Variants in RAPGEF1 observed in about 807,000 individuals in gnomAD.
RAPGEF1 encodes Rap guanine nucleotide exchange factor 1, also known as CRK SH3-binding GNRP.
In RAPGEF1, 33 loss-of-function variants were observed where a neutral mutation model predicts 143.3. That is an observed-to-expected ratio of 0.23 (90% confidence interval 0.17 to 0.31). The LOEUF is 0.31. RAPGEF1 is among the 10% of genes least tolerant of loss of function. The pLI is 1.00. For missense variants in RAPGEF1, 1,199 were observed against 1,645.4 expected (o/e 0.73, Z 4.69); for synonymous variants, 629 against 676.5 (o/e 0.93, Z 1.09).
chr9:131,697,540 C>T (rs1329320517), intron 1 of RAPGEF1, among the ~76,000 whole-genome samples: 1 of 152,202 alleles, frequency 6.6e-6, no homozygotes, highest in East Asian at 1.9e-4. Flanking sequence ...GCAGGGCTGT[C>T]AGGTATACAC....
chr9:131,579,716 C>T, intron 26 of RAPGEF1, 69 bp from the exon 27 acceptor site: 1 of 1,544,154 alleles, frequency 6.5e-7, no homozygotes, highest in South Asian at 1.2e-5. Context: ...GCGCCACCCT[C>T]CTGGAAGGTG....
At chr9:131,606,315 C>T (rs115971831) in intron 12 of RAPGEF1, among the ~76,000 whole-genome samples, 3,042 of 152,300 alleles carry the variant, frequency 0.02, 82 homozygotes, top group African/African-American at 0.055. Context: ...GTGATGTCAT[C>T]GTGTCCTACA....
At position 131,621,695 on chromosome 9, in the gene RAPGEF1, A is replaced by G. The variant is rs1588515792; in HGVS notation, c.1905+101T>C. The G allele has an allele frequency of 3.3e-6, 4 of 1,224,666 alleles. No individual in the cohort carries two copies. In the East Asian group the frequency reaches 1.0e-4, roughly 31 times the overall value. 75.9% of individuals were successfully genotyped at this position (1,224,666 alleles called of 1,614,324 possible). A position where few individuals can be genotyped will look rare whatever the true frequency, so the allele number is the denominator to read the frequency against. On this transcript the variant is annotated intron_variant, in intron 11 of 26. Transcript: ENST00000683357. The surrounding 1 kb of genome is among the most constrained non-coding windows in gnomAD (Gnocchi z 4.5). ...ACGCCCAAAACCAGGGCCCTGCCACAGCAGGGAGGAGGGTTAACCCTGCCC... is the reference window on the plus strand; with the variant it reads ...ACGCCCAAAACCAGGGCCCTGCCACGGCAGGGAGGAGGGTTAACCCTGCCC...
intron 1 of RAPGEF1, among the ~76,000 whole-genome samples, chr9:131,708,099 G>A (rs1287207618): frequency 6.6e-6 from 1 of 152,234 alleles, no homozygotes; most frequent in African/African-American, 2.4e-5. Flanking sequence ...GAACCTGACA[G>A]TAAATTAGCA....
intron 1 of RAPGEF1, among the ~76,000 whole-genome samples, chr9:131,659,828 T>A (rs1973508058): frequency 7.4e-6 from 1 of 134,680 alleles, no homozygotes; most frequent in Non-Finnish European, 1.5e-5. Context: ...TATATTTTTC[T>A]TTTTTTTTGA....
intron 17 of RAPGEF1, among the ~76,000 whole-genome samples, chr9:131,595,576 G>A (rs1955115136): frequency 1.3e-5 from 2 of 152,210 alleles, no homozygotes; most frequent in Admixed American, 6.5e-5. Context: ...GAGAAGCAGC[G>A]TGTGGAGAGA....
chr9:131,686,992 G>T (rs1035821587), intron 1 of RAPGEF1, among the ~76,000 whole-genome samples: 1 of 152,232 alleles, frequency 6.6e-6, no homozygotes, highest in African/African-American at 2.4e-5. Flanking sequence ...AAAACCACGC[G>T]AAGATAATGA....
In RAPGEF1 at chr9:131,668,104, G is replaced by A. The variant is rs188729729; in HGVS notation, c.62-17155C>T. 1.2e-4 allele frequency among the ~76,000 whole-genome samples: 18 copies of A among 152,240 alleles called. No individual in the cohort carries two copies. The East Asian group carries it at 2.9e-3, about 24-fold the overall frequency. ...GATTTAAACAGAACCCACAGCCCTC[G>A]TCAGGTAAACTTTTCCGCGTGAACA... On this transcript the variant is annotated intron_variant, in intron 1 of 26. Coordinates refer to ENST00000683357, the MANE Select transcript of RAPGEF1 (RefSeq NM_001377935.1).
intron 1 of RAPGEF1, among the ~76,000 whole-genome samples, chr9:131,687,952 G>A (rs1288640369): frequency 2.0e-5 from 3 of 152,226 alleles, no homozygotes; most frequent in Admixed American, 1.3e-4. Context: ...AAGATACACA[G>A]CATAGCAATT....
rs113136911 is a variant in RAPGEF1, at chr9:131,679,172, G to T, written c.62-28223C>A. Among the ~76,000 whole-genome samples, 537 of 149,360 alleles carry T rather than the reference G, an allele frequency of 3.6e-3. 5 individuals carry two copies. The highest frequency in any genetic ancestry group is 0.012 in the African/African-American group (476 of 40,712). On this transcript the variant is annotated intron_variant, in intron 1 of 26. Coordinates refer to ENST00000683357, the MANE Select transcript of RAPGEF1 (RefSeq NM_001377935.1). Reference sequence around the variant, plus strand: ...GCGAACTCATTATGTGACAAGGGGGGGGCCACAAGCAGCTGTACAAAGGAT... The same window carrying T: ...GCGAACTCATTATGTGACAAGGGGGTGGCCACAAGCAGCTGTACAAAGGAT...
At chr9:131,730,802 G>A (rs1837020450) in intron 1 of RAPGEF1, among the ~76,000 whole-genome samples, 1 of 151,802 alleles carries the variant, frequency 6.6e-6, no homozygotes, top group African/African-American at 2.4e-5. Flanking sequence ...AGGCTCAGGA[G>A]ATTAAGCAAT....
In RAPGEF1 at chr9:131,583,235, T is replaced by G. The variant is rs1952160268; in HGVS notation, c.3415-533A>C. On this transcript the variant is annotated intron_variant, in intron 24 of 26. Coordinates refer to ENST00000683357, the MANE Select transcript of RAPGEF1 (RefSeq NM_001377935.1). The surrounding 1 kb of genome is among the most constrained non-coding windows in gnomAD (Gnocchi z 4.7). Reference sequence around the variant, plus strand: ...GGAGACTCAGCCAGCCCTGCCCCACTCAGAAGGCCCCTCTCCTGCCTCTTC... The same window carrying G: ...GGAGACTCAGCCAGCCCTGCCCCACGCAGAAGGCCCCTCTCCTGCCTCTTC... Among the ~76,000 whole-genome samples, 1 of 152,062 alleles carries G rather than the reference T, an allele frequency of 6.6e-6. No individual in the cohort carries two copies. The highest frequency in any genetic ancestry group is 6.6e-5 in the Admixed American group (1 of 15,252).
At chr9:131,585,718 C>T (rs1039186844) in intron 22 of RAPGEF1, among the ~76,000 whole-genome samples, 1 of 151,892 alleles carries the variant, frequency 6.6e-6, no homozygotes, top group African/African-American at 2.4e-5. Context: ...GCCTTTAAAA[C>T]ACATCAGACA....
chr9:131,732,940 A>AT (rs1837175705), intron 1 of RAPGEF1, among the ~76,000 whole-genome samples: 1 of 152,142 alleles, frequency 6.6e-6, no homozygotes, highest in Non-Finnish European at 1.5e-5. Context: ...TGGGGCTTTG[A>AT]TTTTGAATGA....
chr9:131,649,704 G>A (rs150057092), intron 3 of RAPGEF1, among the ~76,000 whole-genome samples: 279 of 152,234 alleles, frequency 1.8e-3, no homozygotes, highest in Non-Finnish European at 3.1e-3. Flanking sequence ...TTGGTTATGC[G>A]GCGGTCTCAC....
At chr9:131,678,779 C>T (rs749000612) in intron 1 of RAPGEF1, among the ~76,000 whole-genome samples, 1 of 152,232 alleles carries the variant, frequency 6.6e-6, no homozygotes. Context: ...TCAAACAACA[C>T]ACCAGGAGGC....
At chr9:131,630,466 A>G in intron 5 of RAPGEF1, 142 bp from the exon 6 acceptor site, 1 of 743,008 alleles carries the variant, frequency 1.3e-6, no homozygotes, top group Non-Finnish European at 2.2e-6. Context: ...AAACGCAAGT[A>G]TCACTTGCCT....
intron 1 of RAPGEF1, among the ~76,000 whole-genome samples, chr9:131,680,630 C>T (rs924335618): frequency 6.6e-6 from 1 of 152,212 alleles, no homozygotes; most frequent in Non-Finnish European, 1.5e-5. Context: ...ACTAGCCCAA[C>T]CTATTCCTTT....
chr9:131,596,499 G>A, intron 16 of RAPGEF1, 126 bp from the exon 17 acceptor site: 2 of 937,078 alleles, frequency 2.1e-6, no homozygotes, highest in Non-Finnish European at 3.3e-6. Context: ...CTCCTTCTGT[G>A]CTCCTCGGCC....
Sources: gnomAD v4.1 joint callset for allele counts (sites outside exome capture counted in the v4.1 genomes callset) on GRCh38, gnomAD v4.1.1 for gene constraint, Gnocchi (gnomAD v3.1) non-coding constraint, MANE v1.5 for transcripts, NCBI Gene and HGNC (gene_info 2026-07-23, HGNC 2026-07-21) for gene names.